The following AFF3 variants were observed in gnomAD, a reference collection of about 807,000 sequenced individuals.
AFF3 encodes ALF transcription elongation factor 3.
In AFF3, 32 loss-of-function variants were observed where a neutral mutation model predicts 129.7. That is an observed-to-expected ratio of 0.25 (90% confidence interval 0.19 to 0.33). The LOEUF is 0.33. Among genes scored for constraint, AFF3 ranks in the 10% least tolerant of loss-of-function variants. AFF3 has a pLI of 1.00. For synonymous variants in AFF3, 644 were observed against 635.4 expected, an observed-to-expected ratio of 1.01 and a Z score of -0.20; for missense variants, 1,373 against 1,592.0, an observed-to-expected ratio of 0.86 and a Z score of 2.34.
intron 10 of AFF3, among the ~76,000 whole-genome samples, chr2:99,731,794 G>A (rs1208099975): frequency 2.0e-5 from 3 of 152,198 alleles, no homozygotes; most frequent in East Asian, 1.9e-4. Flanking sequence ...AAATGTTCCC[G>A]ACATTTATGT....
At chr2:99,923,563 A>T (rs1328321160) in intron 7 of AFF3, among the ~76,000 whole-genome samples, 1 of 152,198 alleles carries the variant, frequency 6.6e-6, no homozygotes, top group Admixed American at 6.5e-5. Flanking sequence ...GGATCCTCTG[A>T]CGTCTAGCTG....
chr2:99,879,535 C>T (rs936995814), intron 7 of AFF3, among the ~76,000 whole-genome samples: 5 of 152,174 alleles, frequency 3.3e-5, no homozygotes, highest in Admixed American at 2.6e-4. Flanking sequence ...TCTATCACCT[C>T]GTGGGTAGGA....
chr2:99,617,300 C>T (rs1215990433), intron 13 of AFF3, among the ~76,000 whole-genome samples: 1 of 152,332 alleles, frequency 6.6e-6, no homozygotes, highest in East Asian at 1.9e-4. Flanking sequence ...AACTTCTCCA[C>T]ATGCTTGTCG....
rs1046988149 is a variant in AFF3, at chr2:99,601,421, C to T, written c.1371+14G>A. The T allele has an allele frequency of 1.3e-6, 2 of 1,587,538 alleles. No homozygotes were observed. Among genetic ancestry groups the T allele is most frequent in the Admixed American group, 1.7e-5 (1 of 58,090 alleles). On this transcript the variant is annotated intron_variant, in intron 14 of 24. Transcript: ENST00000672756. ...AAGTGGGCAGAGGAGAGGCCTGAGC[C>T]AGGCAGCGCTTACCTCGGGGCTGGA...
At chr2:99,954,085 G>C (rs1363093220) in intron 7 of AFF3, among the ~76,000 whole-genome samples, 1 of 152,188 alleles carries the variant, frequency 6.6e-6, no homozygotes, top group Non-Finnish European at 1.5e-5. Flanking sequence ...TGTGAATGGA[G>C]TGATATGGAT....
At chr2:99,947,653 TAGAC>T (rs869305084) in intron 7 of AFF3, among the ~76,000 whole-genome samples, 64 of 123,280 alleles carry the variant, frequency 5.2e-4, no homozygotes, top group African/African-American at 8.2e-4. Context: ...GATAGATAGA[TAGAC>T]AGACAGACAG....
chr2:99,949,631 C>T (rs1380489026), intron 7 of AFF3, among the ~76,000 whole-genome samples: 2 of 152,018 alleles, frequency 1.3e-5, no homozygotes, highest in Non-Finnish European at 2.9e-5. Context: ...AAGGAGAAAT[C>T]TAGATCCCTC....
chr2:99,578,058 C>T (rs575976850), intron 18 of AFF3, among the ~76,000 whole-genome samples: 10 of 152,302 alleles, frequency 6.6e-5, no homozygotes, highest in African/African-American at 2.4e-4. Context: ...CTCATTAATG[C>T]TATTTGCCTT....
intron 8 of AFF3, among the ~76,000 whole-genome samples, chr2:99,782,308 G>A (rs553075516): frequency 2.0e-5 from 3 of 152,192 alleles, no homozygotes; most frequent in African/African-American, 7.2e-5. Context: ...AAAGAAGCAG[G>A]ATTCCCTTTT....
intron 10 of AFF3, among the ~76,000 whole-genome samples, chr2:99,740,769 G>T (rs1295052508): frequency 6.6e-6 from 1 of 151,136 alleles, no homozygotes; most frequent in Non-Finnish European, 1.5e-5. Context: ...TAGGTTGCCT[G>T]TTCACTCTGA....
chr2:99,665,594 T>C (rs1211297095), intron 12 of AFF3, among the ~76,000 whole-genome samples: 2 of 152,206 alleles, frequency 1.3e-5, no homozygotes, highest in Admixed American at 1.3e-4. Context: ...CTGTGAGACA[T>C]CCAAGTGGAA....
intron 12 of AFF3, among the ~76,000 whole-genome samples, chr2:99,653,120 C>T (rs1685424422): frequency 6.6e-6 from 1 of 152,210 alleles, no homozygotes; most frequent in Admixed American, 6.5e-5. Flanking sequence ...TTCCCTCTCA[C>T]TCAGCAAGAT....
At chr2:100,037,884 T>A (rs943316665) in intron 4 of AFF3, among the ~76,000 whole-genome samples, 5 of 145,762 alleles carry the variant, frequency 3.4e-5, no homozygotes, top group Non-Finnish European at 6.0e-5. Flanking sequence ...TGGGTGTGTA[T>A]ATATATATAT....
chr2:99,860,423 G>A (rs868830743), intron 7 of AFF3, among the ~76,000 whole-genome samples: 13 of 152,126 alleles, frequency 8.5e-5, no homozygotes, highest in African/African-American at 2.9e-4. Flanking sequence ...GGGTGGTGGC[G>A]GGTGCCTGTA....
chr2:99,666,352 T>G (rs995514011), intron 12 of AFF3, among the ~76,000 whole-genome samples: 11 of 152,164 alleles, frequency 7.2e-5, no homozygotes, highest in African/African-American at 1.7e-4. Context: ...AGCGAACTGT[T>G]ATAAGTTATG....
intron 13 of AFF3, among the ~76,000 whole-genome samples, chr2:99,605,233 C>A (rs560713748): frequency 6.6e-6 from 1 of 152,198 alleles, no homozygotes; most frequent in East Asian, 1.9e-4. Flanking sequence ...ACTGGCCTAA[C>A]TATTATTTGT....
intron 11 of AFF3, among the ~76,000 whole-genome samples, chr2:99,680,815 G>A (rs1404723426): frequency 6.6e-6 from 1 of 152,174 alleles, no homozygotes; most frequent in Admixed American, 6.5e-5. Flanking sequence ...CTAATTAAGA[G>A]ATTTGAACAG....
intron 7 of AFF3, among the ~76,000 whole-genome samples, chr2:99,902,368 T>G (rs539472201): frequency 6.6e-6 from 1 of 152,258 alleles, no homozygotes; most frequent in South Asian, 2.1e-4. Flanking sequence ...TGATTTCCAG[T>G]GTGCGGCTCT....
At position 99,677,228 on chromosome 2, in the gene AFF3, C is replaced by T. The variant is rs536664695; in HGVS notation, c.1092-4639G>A. On this transcript the variant is annotated intron_variant, in intron 11 of 24. Transcript: ENST00000672756. Reference sequence around the variant, plus strand: ...AAGGCTAGAGTGAGCCGAGGTTGTACCACTGCACTCCAGCCTGGGCATAAG... The same window carrying T: ...AAGGCTAGAGTGAGCCGAGGTTGTATCACTGCACTCCAGCCTGGGCATAAG... Among the ~76,000 whole-genome samples, 8 of 145,426 alleles carry T rather than the reference C, an allele frequency of 5.5e-5. No homozygotes were observed. The East Asian group carries it at 1.2e-3, about 22-fold the overall frequency.
Sources: allele counts gnomAD v4.1 joint callset (sites outside exome capture counted in the v4.1 genomes callset), GRCh38; gene constraint gnomAD v4.1.1; transcripts MANE v1.5; gene names NCBI Gene and HGNC (gene_info 2026-07-23, HGNC 2026-07-21).